Variants in PTPRF observed in about 807,000 individuals in gnomAD.
The protein encoded by PTPRF is receptor-type tyrosine-protein phosphatase F.
In PTPRF, 59 loss-of-function variants were observed where a neutral mutation model predicts 201.8. That is an observed-to-expected ratio of 0.29 (90% confidence interval 0.24 to 0.36). The LOEUF is 0.36. PTPRF is among the 10% of genes least tolerant of loss of function. The pLI is 1.00. For missense variants in PTPRF, 2,132 were observed against 2,690.5 expected, an observed-to-expected ratio of 0.79 and a Z score of 4.59; for synonymous variants, 1,088 against 1,089.7, an observed-to-expected ratio of 1.00 and a Z score of 0.03.
Position 43,552,866 on chromosome 1 carries a change from G to C in PTPRF, c.92-626G>C, listed in dbSNP as rs538101708. 9.9e-5 allele frequency among the ~76,000 whole-genome samples: 15 copies of C among 152,272 alleles called. 1 individual carries two copies. Among genetic ancestry groups the C allele is most frequent in the African/African-American group, 2.4e-4 (10 of 41,554 alleles). On this transcript the variant is annotated intron_variant, in intron 3 of 33. Transcript: ENST00000359947. ...TGTCAGAAGGCAATAACTAAGTCGG[G>C]GGGGAGGGATGGGAGAGGCAGATTT...
At chr1:43,558,861 T>C (rs962110465) in intron 5 of PTPRF, among the ~76,000 whole-genome samples, 4 of 152,032 alleles carry the variant, frequency 2.6e-5, no homozygotes, top group African/African-American at 7.3e-5. Flanking sequence ...TGGATTCACC[T>C]GGGGCCGCAG....
At position 43,538,261 on chromosome 1, in the gene PTPRF, G is replaced by A. The variant is rs1480985595; in HGVS notation, c.-62G>A. ...AGTATCCAGCAAGAGTGACCGGGGT[G>A]AAGAAGCAAAGACTCGGTGAGTGTG... On this transcript the variant is annotated 5_prime_UTR_variant, in exon 2 of 34. Transcript: ENST00000359947. The A allele has an allele frequency of 2.5e-6, 1 of 398,612 alleles. No homozygotes were observed. Among genetic ancestry groups the A allele is most frequent in the African/African-American group, 2.1e-5 (1 of 48,606 alleles). The allele number at this position is 398,612 out of a possible 1,614,324, so 24.7% of individuals were successfully genotyped here.
chr1:43,592,089 G>T (rs975745024), intron 10 of PTPRF, 141 bp downstream of exon 10: 45 of 1,225,386 alleles, frequency 3.7e-5, no homozygotes, highest in Non-Finnish European at 4.8e-5. Flanking sequence ...GCTTAGTGGT[G>T]CATGCGTGTC....
upstream of PTPRF, among the ~76,000 whole-genome samples, chr1:43,522,940 G>A (rs141956506): frequency 4.2e-4 from 64 of 152,296 alleles, no homozygotes; most frequent in East Asian, 3.3e-3. Flanking sequence ...CGGCTGCAGC[G>A]CAGAGATAAG....
chr1:43,556,513 A>G (rs890943654), intron 5 of PTPRF, among the ~76,000 whole-genome samples: 1 of 152,172 alleles, frequency 6.6e-6, no homozygotes. Context: ...TTGGCCTCCC[A>G]AAGTGCTGGG....
intron 2 of PTPRF, 78 bp from the exon 3 acceptor site, chr1:43,544,953 G>C: frequency 1.2e-6 from 1 of 819,510 alleles, no homozygotes; most frequent in Non-Finnish European, 1.9e-6. Flanking sequence ...ATGACTGGGG[G>C]TCAGAAAGCG....
chr1:43,567,650 C>T (rs1646275354), intron 5 of PTPRF, among the ~76,000 whole-genome samples: 1 of 152,214 alleles, frequency 6.6e-6, no homozygotes, highest in African/African-American at 2.4e-5. Context: ...TTGCTCCTGC[C>T]TGTTGGGGCT....
upstream of PTPRF, chr1:43,530,765 C>CGCGGCTCT (rs1320588798): frequency 6.5e-6 from 1 of 152,860 alleles, no homozygotes; most frequent in Non-Finnish European, 1.5e-5. This position sits in a 1 kb window ranked among gnomAD's most constrained non-coding sequence, Gnocchi z 4.1. Context: ...TCAGCGGCTC[C>CGCGGCTCT]GCGGCTCTAC....
chr1:43,612,210 A>G (rs1413803983), intron 22 of PTPRF, among the ~76,000 whole-genome samples: 1 of 152,078 alleles, frequency 6.6e-6, no homozygotes, highest in Non-Finnish European at 1.5e-5. Context: ...GCTTTGGCAG[A>G]TGGGGCCTTG....
At position 43,604,869 on chromosome 1, in the gene PTPRF, C is replaced by T. The variant is rs755631448; in HGVS notation, c.3038-34C>T. On this transcript the variant is annotated intron_variant, in intron 16 of 33. Coordinates refer to ENST00000359947, the MANE Select transcript of PTPRF (RefSeq NM_002840.5). ...CAGCCCATTCACCCCACCTCATATA[C>T]CCAGCAGAGCTGACTCTCTCTATGC... The T allele has an allele frequency of 1.2e-5, 19 of 1,590,118 alleles. No homozygotes were observed. The East Asian group carries it at 4.2e-4, about 36-fold the overall frequency.
At chr1:43,608,278 T>C (rs1459302966) in intron 21 of PTPRF, among the ~76,000 whole-genome samples, 1 of 152,206 alleles carries the variant, frequency 6.6e-6, no homozygotes, top group African/African-American at 2.4e-5. Flanking sequence ...TGGTGGAAAC[T>C]GTGACCGTTC....
chr1:43,532,161 C>A (rs1175876324), intron 1 of PTPRF, among the ~76,000 whole-genome samples: 2 of 152,200 alleles, frequency 1.3e-5, no homozygotes, highest in Non-Finnish European at 2.9e-5. Context: ...CTCTTGGTGT[C>A]TCTGCACTCT....
At chr1:43,574,242 C>T (rs6670906) in intron 6 of PTPRF, among the ~76,000 whole-genome samples, 44,250 of 151,522 alleles carry the variant, frequency 0.29, 6,612 homozygotes, top group Non-Finnish European at 0.33. Context: ...GTGATCCGCC[C>T]GCCTCAGCCT....
Position 43,620,241 on chromosome 1 carries a change from C to T in PTPRF, c.5238+20C>T. 1 of 1,613,002 alleles carries T rather than the reference C, an allele frequency of 6.2e-7. No individual in the cohort carries two copies. Among genetic ancestry groups the T allele is most frequent in the Non-Finnish European group, 8.5e-7 (1 of 1,179,346 alleles). ...GGCAGGGTGAGCCCACCCTTTCCCCCAGGGCCCCTGTCATACCTGGGAGAA... is the reference window on the plus strand; with the variant it reads ...GGCAGGGTGAGCCCACCCTTTCCCCTAGGGCCCCTGTCATACCTGGGAGAA... On this transcript the variant is annotated intron_variant, in intron 30 of 33. Transcript: ENST00000359947.
At chr1:43,582,504 C>T (rs1327971493) in intron 7 of PTPRF, 1 of 152,382 alleles carries the variant, frequency 6.6e-6, no homozygotes, top group East Asian at 1.9e-4. Context: ...GGGTGGAGCC[C>T]TGCCCTCCTC....
At chr1:43,621,254 G>A in intron 33 of PTPRF, 22 bp downstream of exon 33, 1 of 1,611,354 alleles carries the variant, frequency 6.2e-7, no homozygotes, top group Non-Finnish European at 8.5e-7. Flanking sequence ...CAGGCTGCAG[G>A]GCCAGGGCCT....
At chr1:43,612,639 G>A (rs911670159) in intron 22 of PTPRF, 7 of 672,344 alleles carry the variant, frequency 1.0e-5, no homozygotes, top group South Asian at 1.6e-5. Flanking sequence ...CCTCTTCTCC[G>A]CCAGCCCCTC....
In PTPRF at chr1:43,542,597, T is replaced by C. The variant is rs980638839; in HGVS notation, c.-45-2434T>C. ...GTCTATTCTGGGAGTTTTACCCCCATGATGGCTCTCCTGGGAGCTCTGCCC... is the reference window on the plus strand; with the variant it reads ...GTCTATTCTGGGAGTTTTACCCCCACGATGGCTCTCCTGGGAGCTCTGCCC... On this transcript the variant is annotated intron_variant, in intron 2 of 33. Transcript: ENST00000359947. The surrounding 1 kb of genome is among the most constrained non-coding windows in gnomAD (Gnocchi z 5.2). Among the ~76,000 whole-genome samples the C allele has an allele frequency of 7.2e-5, 11 of 152,120 alleles. No individual in the cohort carries two copies. Among genetic ancestry groups the C allele is most frequent in the African/African-American group, 2.7e-4 (11 of 41,396 alleles).
At chr1:43,527,566 G>A (rs780887192), upstream of PTPRF, among the ~76,000 whole-genome samples, 1 of 152,226 alleles carries the variant, frequency 6.6e-6, no homozygotes, top group African/African-American at 2.4e-5. Context: ...GAGGGCAGAC[G>A]CCAATGGGTT....
Sources: gnomAD v4.1 joint callset for allele counts (sites outside exome capture counted in the v4.1 genomes callset) on GRCh38, gnomAD v4.1.1 for gene constraint, Gnocchi (gnomAD v3.1) non-coding constraint, MANE v1.5 for transcripts, NCBI Gene and HGNC (gene_info 2026-07-23, HGNC 2026-07-21) for gene names.